Variants in JCAD observed in about 807,000 individuals in gnomAD.
JCAD encodes the protein junctional cadherin 5-associated protein.
Under a neutral mutation model 98.0 loss-of-function variants are expected in JCAD, and 40 were observed. The observed-to-expected ratio is 0.41, with a 90% CI of 0.32 to 0.53. The LOEUF (loss-of-function observed/expected upper bound fraction) is 0.53, where lower values mean the gene tolerates loss of function less well. Ranked by LOEUF, JCAD falls within the 20% of genes least tolerant of loss-of-function variation. The pLI is 0.31. For missense variants in JCAD, 1,705 were observed against 1,738.1 expected (o/e 0.98, Z 0.34); for synonymous variants, 691 against 682.3 (o/e 1.01, Z -0.20).
In JCAD at chr10:30,105,296, C is replaced by G. The variant is rs563272424; in HGVS notation, n.128+10071G>C. ...ATTGACTGTGCTGTCACCAGCCTTGCAACTGTGACATTCAATCCCTAAGGG... is the reference window on the plus strand; with the variant it reads ...ATTGACTGTGCTGTCACCAGCCTTGGAACTGTGACATTCAATCCCTAAGGG... On this transcript the variant is annotated intron_variant and non_coding_transcript_variant, in intron 1 of 2. Transcript: ENST00000465712. Among the ~76,000 whole-genome samples the G allele has an allele frequency of 2.2e-4, 33 of 151,962 alleles. 1 individual carries two copies. The South Asian group carries it at 5.2e-3, about 24-fold the overall frequency.
At position 30,068,390 on chromosome 10, in the gene JCAD, C is replaced by CAAAAAAAA. The variant is rs34060997; in HGVS notation, n.250+1302_250+1309dup. ...TGGGTGAAAGAGCAAAACTCTGTCT[C>CAAAAAAAA]AAAAAAAAAAAAAAAAAAAAAAAAA... is the stretch of plus-strand genomic sequence containing the variant. On this transcript the variant is annotated intron_variant and non_coding_transcript_variant, in intron 2 of 2. Transcript: ENST00000465712. Among the ~76,000 whole-genome samples, 47 of 48,182 alleles carry CAAAAAAAA rather than the reference C, an allele frequency of 9.8e-4. 2 individuals carry two copies. The highest frequency in any genetic ancestry group is 3.7e-3 in the African/African-American group (45 of 12,266). 31.6% of individuals were successfully genotyped at this position (48,182 alleles called of 152,430 possible).
upstream of JCAD, among the ~76,000 whole-genome samples, chr10:30,062,943 T>G (rs971601671): frequency 2.6e-5 from 4 of 152,102 alleles, no homozygotes; most frequent in Non-Finnish European, 5.9e-5. Context: ...TAATCATAAA[T>G]GTAGGAAGAT....
intron 1 of JCAD, among the ~76,000 whole-genome samples, chr10:30,097,454 G>A (rs1564471484): frequency 6.6e-6 from 1 of 152,142 alleles, no homozygotes; most frequent in Non-Finnish European, 1.5e-5. Context: ...CATCCAATTA[G>A]AAAAGAGACG....
chr10:30,047,485 C>G (rs1316213138), intron 2 of JCAD, 47 bp downstream of exon 2: 2 of 1,572,566 alleles, frequency 1.3e-6, no homozygotes, highest in East Asian at 4.5e-5. Flanking sequence ...CACCCACCGC[C>G]AAACTCCTGA....
chr10:30,047,537 C>T lies in JCAD; in HGVS notation c.276G>A (p.Glu92=). The T allele has an allele frequency of 6.2e-7, 1 of 1,611,518 alleles. No homozygotes were observed. Among genetic ancestry groups the T allele is most frequent in the Non-Finnish European group, 8.5e-7 (1 of 1,179,132 alleles). ...GGGTTCACAGTGAAACTTACCCCGC[C>T]TCCGAGGTTCTGGAAGCAGAAGTGC... ...PQSTSASRTS[E]AGFCNQPPSA... Residue 92 remains glutamate (E), a synonymous_variant, in exon 2 of 4, where the codon GAG becomes GAA. Transcript: ENST00000375377.
chr10:30,113,772 C>T (rs887556703), intron 1 of JCAD, among the ~76,000 whole-genome samples: 3 of 152,120 alleles, frequency 2.0e-5, no homozygotes, highest in African/African-American at 7.2e-5. Flanking sequence ...CTGGACCCTT[C>T]CAACCTGTTC....
rs757709151 is a variant in JCAD at position 30,026,253 on chromosome 10, G to A, written c.3895C>T (p.Pro1299Ser). The change falls in exon 3 of 4, where the codon CCG (proline) becomes TCG (serine). Residue 1299 changes from proline (P) to serine (S), a missense_variant. Pro to Ser is a moderately conservative substitution (Grantham distance 74). Transcript: ENST00000375377. Reference protein sequence around the residue: ...KATTRGQAGLPGGLVSPGSGD... With the variant: ...KATTRGQAGLSGGLVSPGSGD... ...CTGCCAGGAGACACAAGGCCTCCCG[G>A]GAGCCCGGCCTGGCCCCTTGTGGTG... 18 of 1,613,810 alleles carry A rather than the reference G, an allele frequency of 1.1e-5. No homozygotes were observed. The highest frequency in any genetic ancestry group is 1.4e-5 in the Non-Finnish European group (17 of 1,180,048).
upstream of JCAD, among the ~76,000 whole-genome samples, chr10:30,060,313 A>G (rs1837676246): frequency 6.6e-6 from 1 of 151,968 alleles, no homozygotes; most frequent in South Asian, 2.1e-4. Flanking sequence ...GGATTTGCCT[A>G]CAGGGCAGGG....
intron 1 of JCAD, among the ~76,000 whole-genome samples, chr10:30,109,961 T>C (rs1277589976): frequency 6.6e-6 from 1 of 152,122 alleles, no homozygotes; most frequent in Non-Finnish European, 1.5e-5. Flanking sequence ...AGCTCATGTA[T>C]GGACCCCCTG....
intron 1 of JCAD, among the ~76,000 whole-genome samples, chr10:30,053,708 T>C (rs1837513874): frequency 6.6e-6 from 1 of 152,006 alleles, no homozygotes; most frequent in Non-Finnish European, 1.5e-5. Flanking sequence ...TAAGGATAGT[T>C]ATCCCAGTTT....
intron 1 of JCAD, among the ~76,000 whole-genome samples, chr10:30,073,830 A>G (rs1837937467): frequency 6.6e-6 from 1 of 152,094 alleles, no homozygotes. Flanking sequence ...TCTTAAAACT[A>G]TTGAAACACA....
At chr10:30,072,361 C>G (rs1473652052) in intron 1 of JCAD, among the ~76,000 whole-genome samples, 2 of 152,166 alleles carry the variant, frequency 1.3e-5, no homozygotes, top group Admixed American at 1.3e-4. Context: ...ATCTTATGTT[C>G]TATGCTATAT....
chr10:30,092,558 C>G (rs1011928642), intron 1 of JCAD, among the ~76,000 whole-genome samples: 5 of 152,120 alleles, frequency 3.3e-5, no homozygotes, highest in African/African-American at 1.2e-4. Flanking sequence ...CCACGGAGCA[C>G]AAGCCCAGCG....
At chr10:30,106,532 G>A (rs1838585020) in intron 1 of JCAD, among the ~76,000 whole-genome samples, 1 of 152,128 alleles carries the variant, frequency 6.6e-6, no homozygotes, top group African/African-American at 2.4e-5. Flanking sequence ...ACGTTGTAGT[G>A]CTTTGTCACC....
chr10:30,091,741 A>G (rs1487754025), intron 1 of JCAD, among the ~76,000 whole-genome samples: 2 of 31,076 alleles, frequency 6.4e-5, no homozygotes, highest in Admixed American at 3.7e-4. Flanking sequence ...TTTTTTTTTT[A>G]GGCCAGGTGC....
At chr10:30,051,768 C>T (rs1564455367) in intron 1 of JCAD, among the ~76,000 whole-genome samples, 1 of 151,832 alleles carries the variant, frequency 6.6e-6, no homozygotes, top group African/African-American at 2.4e-5. Context: ...GTAACATGCA[C>T]AGGGGGCTGG....
chr10:30,025,561 A>AGGGGG (rs1836772596), intron 3 of JCAD, among the ~76,000 whole-genome samples: 2 of 7,990 alleles, frequency 2.5e-4, no homozygotes, highest in Non-Finnish European at 4.4e-4. Context: ...AGGGGAGGGG[A>AGGGGG]GGGGAGGGGA....
intron 1 of JCAD, among the ~76,000 whole-genome samples, chr10:30,051,282 ACG>A (rs1554798236): frequency 8.9e-5 from 9 of 101,324 alleles, no homozygotes; most frequent in Non-Finnish European, 1.4e-4. Context: ...GCACACACGC[ACG>A]CACACACACA....
rs572193197 is a variant in JCAD at position 30,015,289 on chromosome 10, C to T, written c.*2594G>A. 1.3e-5 allele frequency: 2 copies of T among 152,124 alleles called. No homozygotes were observed. Among genetic ancestry groups the T allele is most frequent in the East Asian group, 1.9e-4 (1 of 5,180 alleles). 9.4% of individuals were successfully genotyped at this position (152,124 alleles called of 1,614,324 possible). A position where few individuals can be genotyped will look rare whatever the true frequency, so the allele number is the denominator to read the frequency against. On this transcript the variant is annotated 3_prime_UTR_variant, in exon 4 of 4. Transcript: ENST00000375377. Reference sequence around the variant, plus strand: ...ATACAAAATATAGAAACTTTTTCTTCCAGCCACAAAAAACGAAGTTATGTA... The same window carrying T: ...ATACAAAATATAGAAACTTTTTCTTTCAGCCACAAAAAACGAAGTTATGTA...
Sources: allele counts gnomAD v4.1 joint callset (sites outside exome capture counted in the v4.1 genomes callset), GRCh38; gene constraint gnomAD v4.1.1; transcripts MANE v1.5; gene names NCBI Gene and HGNC (gene_info 2026-07-23, HGNC 2026-07-21).